Variants in PEX10 observed in about 807,000 individuals in gnomAD.
PEX10 encodes peroxisome biogenesis factor 10.
PEX10 carries 32 observed loss-of-function variants against 38.0 expected under a neutral mutation model. The observed-to-expected ratio is 0.84, with a 90% confidence interval of 0.63 to 1.13. PEX10 has a LOEUF of 1.13. PEX10 is among the 50% of genes most tolerant of loss of function. The probability of loss-of-function intolerance (pLI) is 0.00; values close to 1 mark genes in which losing one functional copy is unlikely to be tolerated. For missense variants in PEX10, 483 were observed against 457.7 expected, an observed-to-expected ratio of 1.06 and a Z score of -0.51; for synonymous variants, 206 against 207.3, an observed-to-expected ratio of 0.99 and a Z score of 0.05.
chr1:2,407,218 C>T (rs1443248793), intron 3 of PEX10, among the ~76,000 whole-genome samples: 2 of 152,170 alleles, frequency 1.3e-5, no homozygotes, highest in African/African-American at 4.8e-5. Flanking sequence ...GAAAAGGAGG[C>T]GGGGAGCGGA....
At chr1:2,413,386 A>G (rs986048475), upstream of PEX10, among the ~76,000 whole-genome samples, 5 of 152,162 alleles carry the variant, frequency 3.3e-5, no homozygotes, top group African/African-American at 1.2e-4. Flanking sequence ...CCAGGGGACG[A>G]GCGGAGGGAG....
At chr1:2,411,204 A>G (rs907464509) in intron 1 of PEX10, among the ~76,000 whole-genome samples, 1 of 105,416 alleles carries the variant, frequency 9.5e-6, no homozygotes, top group African/African-American at 3.7e-5. Context: ...TGCCTGCCCC[A>G]CCCCCCAAAG....
Position 2,405,788 on chromosome 1 carries a change from A to G in PEX10, c.959T>C (p.Ile320Thr), listed in dbSNP as rs769097644. Residue 320 changes from isoleucine to threonine, a missense_variant, in exon 6 of 6, where the codon ATC (isoleucine) becomes ACC (threonine). Coordinates refer to ENST00000447513, the MANE Select transcript of PEX10 (RefSeq NM_002617.4). ...CREKFPPQKL[I>T]YLRHYR ...GGCTCAGCGGTAGTGCCGAAGGTAG[A>G]TGAGCTTCTGGGGAGGGAACTTCTC... The G allele has an allele frequency of 4.4e-6, 7 of 1,603,950 alleles. No individual in the cohort carries two copies. The East Asian group carries it at 1.4e-4, about 31-fold the overall frequency.
intron 5 of PEX10, among the ~76,000 whole-genome samples, chr1:2,406,115 G>C (rs12083799): frequency 0.012 from 1,779 of 152,242 alleles, 36 homozygotes; most frequent in African/African-American, 0.041. Flanking sequence ...CAGCTCCTGG[G>C]AAAGCGTGCG....
At position 2,408,609 on chromosome 1, in the gene PEX10, T is replaced by TG. The variant is rs1249477769; in HGVS notation, c.442dup (p.His148ProfsTer7). Reference sequence around the variant, plus strand: ...CTGCTGCTCAGTCAGGGTGGCCGTGTGGTGACGCATCCAGCGCCGCGCCCC... The same window carrying TG: ...CTGCTGCTCAGTCAGGGTGGCCGTGTGGGTGACGCATCCAGCGCCGCGCCCC... On this transcript the variant is annotated frameshift_variant, in exon 3 of 6. Transcript: ENST00000447513. LOFTEE classifies it high-confidence loss of function. 6.2e-7 allele frequency: 1 copy of TG among 1,611,438 alleles called. No homozygotes were observed. Among genetic ancestry groups the TG allele is most frequent in the Non-Finnish European group, 8.5e-7 (1 of 1,179,840 alleles).
rs908929901 is a variant in PEX10, at chr1:2,406,713, C to G, written c.776+7G>C. On this transcript the variant is annotated splice_region_variant and intron_variant, in intron 4 of 5. Transcript: ENST00000447513. ...CCCCAGCCCCCATGTGTGGCCCCCG[C>G]ACGCACCTGCGGTGAGACAGGCCGC... 1 of 1,608,710 alleles carries G rather than the reference C, an allele frequency of 6.2e-7. No individual in the cohort carries two copies. The highest frequency in any genetic ancestry group is 8.5e-7 in the Non-Finnish European group (1 of 1,178,270).
At position 2,409,335 on chromosome 1, in the gene PEX10, A is replaced by C. The variant is rs1570108389; in HGVS notation, c.194-477T>G. 6.6e-6 allele frequency among the ~76,000 whole-genome samples: 1 copy of C among 151,788 alleles called. No individual in the cohort carries two copies. The highest frequency in any genetic ancestry group is 1.5e-5 in the Non-Finnish European group (1 of 67,950). On this transcript the variant is annotated intron_variant, in intron 2 of 5. Transcript: ENST00000447513. This position sits in a 1 kb window ranked among gnomAD's most constrained non-coding sequence, Gnocchi z 6.2. ...CATCGCCATGTATGCTCAGATGAGC[A>C]CCCCAATTCCACCCCTGCCGAGACA...
intron 3 of PEX10, among the ~76,000 whole-genome samples, chr1:2,407,186 G>T (rs1167075876): frequency 6.6e-6 from 1 of 152,362 alleles, no homozygotes; most frequent in Admixed American, 6.5e-5. Flanking sequence ...AGGATGTGGG[G>T]ATGTCCAGGG....
At position 2,409,538 on chromosome 1, in the gene PEX10, G is replaced by C. The variant is rs1175832295; in HGVS notation, c.194-680C>G. 1.8e-5 allele frequency: 3 copies of C among 165,618 alleles called. No individual in the cohort carries two copies. Among genetic ancestry groups the C allele is most frequent in the East Asian group, 3.4e-4 (2 of 5,880 alleles). The allele number at this position is 165,618 out of a possible 1,614,324, so 10.3% of individuals were successfully genotyped here. On this transcript the variant is annotated intron_variant, in intron 2 of 5. Coordinates refer to ENST00000447513, the MANE Select transcript of PEX10 (RefSeq NM_002617.4). The surrounding 1 kb of genome is among the most constrained non-coding windows in gnomAD (Gnocchi z 6.2). The stretch of plus-strand genomic sequence containing the variant: ...TACCACCACCATCCTGTGGGGGACT[G>C]TCACAGCCTCTGTAGTCTCCCTGAG...
At chr1:2,408,003 A>C (rs1643065645) in intron 3 of PEX10, among the ~76,000 whole-genome samples, 1 of 137,380 alleles carries the variant, frequency 7.3e-6, no homozygotes, top group Admixed American at 7.6e-5. Context: ...GATGGGGCAG[A>C]CTGCTGGGCC....
rs1557910651 is a variant in PEX10 at position 2,408,756 on chromosome 1, TG to T, written c.295del (p.His99MetfsTer54). 10 of 1,613,922 alleles carry T rather than the reference TG, an allele frequency of 6.2e-6. No individual in the cohort carries two copies. Among genetic ancestry groups the T allele is most frequent in the Non-Finnish European group, 8.5e-6 (10 of 1,179,906 alleles). ...SLRRGVLVTLHAVLPYLLDKA... is the reference protein window; with the variant it reads ...SLRRGVLVTLXAVLPYLLDKA... ...GTCCAGCAGGTAGGGCAGGACGGCA[TG>T]CAGTGTCACCAGCACGCCACGGCGC... On this transcript the variant is annotated frameshift_variant, in exon 3 of 6. Transcript: ENST00000447513. LOFTEE classifies it high-confidence loss of function.
Position 2,405,676 on chromosome 1 carries a change from T to C in PEX10, c.*90A>G. 1 of 1,170,406 alleles carries C rather than the reference T, an allele frequency of 8.5e-7. No individual in the cohort carries two copies. The highest frequency in any genetic ancestry group is 2.5e-5 in the East Asian group (1 of 39,246). 72.5% of individuals were successfully genotyped at this position (1,170,406 alleles called of 1,614,324 possible). A position where few individuals can be genotyped will look rare whatever the true frequency, so the allele number is the denominator to read the frequency against. ...ACAAAAAACTGAGAGTGTTCTAACT[T>C]CTGTGCAAGCAAGGTTAATCCTGAG... is the stretch of plus-strand genomic sequence containing the variant. On this transcript the variant is annotated 3_prime_UTR_variant, in exon 6 of 6. Coordinates refer to ENST00000447513, the MANE Select transcript of PEX10 (RefSeq NM_002617.4).
intron 5 of PEX10, among the ~76,000 whole-genome samples, 198 bp from the exon 6 acceptor site, chr1:2,406,032 C>T (rs1039747709): frequency 3.9e-5 from 6 of 152,158 alleles, no homozygotes; most frequent in African/African-American, 1.4e-4. Context: ...GGGCTGGGGG[C>T]GTAGGGCTCA....
intron 1 of PEX10, among the ~76,000 whole-genome samples, 188 bp downstream of exon 1, chr1:2,412,203 G>A (rs1643257750): frequency 6.6e-6 from 1 of 152,240 alleles, no homozygotes; most frequent in African/African-American, 2.4e-5. Context: ...GGGCCACCTG[G>A]CCAGGGAGGG....
rs1344625809 is a variant in PEX10, at chr1:2,410,929, CAG to C, written c.113-480_113-479del. On this transcript the variant is annotated intron_variant, in intron 1 of 5. Coordinates refer to ENST00000447513, the MANE Select transcript of PEX10 (RefSeq NM_002617.4). This position sits in a 1 kb window ranked among gnomAD's most constrained non-coding sequence, Gnocchi z 5.1. ...AAAACACTGGGAACAGTGTCTGGCA[CAG>C]GGGTAAGTGCCAAGTGTACTGTAAA... 4.8e-5 allele frequency: 22 copies of C among 454,106 alleles called. No individual in the cohort carries two copies. The highest frequency in any genetic ancestry group is 8.9e-5 in the Non-Finnish European group (20 of 225,290). The allele number at this position is 454,106 out of a possible 1,614,324, so 28.1% of individuals were successfully genotyped here. A position where few individuals can be genotyped will look rare whatever the true frequency, so the allele number is the denominator to read the frequency against.
rs539701257 is a variant in PEX10, at chr1:2,409,624, C to T, written c.193+747G>A. On this transcript the variant is annotated intron_variant, in intron 2 of 5. Transcript: ENST00000447513. The surrounding 1 kb of genome is among the most constrained non-coding windows in gnomAD (Gnocchi z 6.2). ...TGGTCGGCCTCTCCCCTGCCCACGT[C>T]CCTGGAATGCCCCAAGCCTCGCACA... The T allele has an allele frequency of 2.6e-5, 4 of 156,528 alleles. No homozygotes were observed. The East Asian group carries it at 7.6e-4, about 30-fold the overall frequency. 9.7% of individuals were successfully genotyped at this position (156,528 alleles called of 1,614,324 possible).
chr1:2,412,895 C>T (rs1424696387), upstream of PEX10, among the ~76,000 whole-genome samples: 1 of 152,200 alleles, frequency 6.6e-6, no homozygotes, highest in Non-Finnish European at 1.5e-5. Context: ...TGCACGTCCA[C>T]GGGCCGCCCT....
intron 1 of PEX10, among the ~76,000 whole-genome samples, chr1:2,411,120 C>G (rs748839957): frequency 5.9e-5 from 9 of 152,062 alleles, no homozygotes; most frequent in Non-Finnish European, 1.2e-4. Context: ...CCTTTGGCCA[C>G]GACACCCCCA....
rs1375703281 is a variant in PEX10, at chr1:2,405,823, G to T, written c.924C>A (p.Pro308=). 4 of 1,597,634 alleles carry T rather than the reference G, an allele frequency of 2.5e-6. No individual in the cohort carries two copies. Among genetic ancestry groups the T allele is most frequent in the Non-Finnish European group, 3.4e-6 (4 of 1,172,760 alleles). ...GGGGAGGGAACTTCTCCCGGCAGAG[G>T]GGACACTCCGCCTGCGGAGAGGAGA... ...TAWCSSKAEC[P]LCREKFPPQK... Residue 308 remains proline, a synonymous_variant, in exon 6 of 6, where the codon CCC becomes CCA. Transcript: ENST00000447513.
Sources: allele counts gnomAD v4.1 joint callset (sites outside exome capture counted in the v4.1 genomes callset), GRCh38; gene constraint gnomAD v4.1.1; non-coding constraint Gnocchi (gnomAD v3.1); transcripts MANE v1.5; gene names NCBI Gene and HGNC (gene_info 2026-07-23, HGNC 2026-07-21).